CTIF: variants seen among roughly 807,000 people sequenced by gnomAD.
The protein encoded by CTIF is cap binding complex dependent translation initiation factor, also known as CBP80/20-dependent translation initiation factor.
Under a neutral mutation model 66.0 loss-of-function variants are expected in CTIF, and 21 were observed. That is an observed-to-expected ratio of 0.32 (90% CI 0.23 to 0.46). The LOEUF (loss-of-function observed/expected upper bound fraction) is 0.46, where lower values mean the gene tolerates loss of function less well. CTIF is among the 20% of genes least tolerant of loss of function. The probability of loss-of-function intolerance (pLI) is 1.00; values close to 1 mark genes in which losing one functional copy is unlikely to be tolerated. For missense variants in CTIF, 739 were observed against 812.7 expected (o/e 0.91, Z 1.10); for synonymous variants, 345 against 326.4 (o/e 1.06, Z -0.62).
chr18:48,541,015 G>A (rs1278690572), intron 1 of CTIF, among the ~76,000 whole-genome samples: 1 of 152,176 alleles, frequency 6.6e-6, no homozygotes. Context: ...CCGGCAGACT[G>A]GGGGTCCACC....
chr18:48,722,183 A>G (rs1164448445), intron 7 of CTIF, among the ~76,000 whole-genome samples: 2 of 149,658 alleles, frequency 1.3e-5, no homozygotes, highest in African/African-American at 4.9e-5. Flanking sequence ...TACTAGGCTA[A>G]GCCTCATACT....
intron 5 of CTIF, among the ~76,000 whole-genome samples, chr18:48,669,079 A>G (rs1232337560): frequency 6.6e-6 from 1 of 151,990 alleles, no homozygotes; most frequent in African/African-American, 2.4e-5. Flanking sequence ...TAGGACTTTT[A>G]TGACACCGAT....
At position 48,670,501 on chromosome 18, in the gene CTIF, C is replaced by T. The variant is rs560812208; in HGVS notation, c.432-168C>T. Reference sequence around the variant, plus strand: ...TACGGGAGGACCCCCCCCCCACACACACACAGCTTCTCTAGGGCTGTTTCC... The same window carrying T: ...TACGGGAGGACCCCCCCCCCACACATACACAGCTTCTCTAGGGCTGTTTCC... On this transcript the variant is annotated intron_variant, in intron 5 of 11. Transcript: ENST00000256413. The T allele has an allele frequency of 1.2e-4, 69 of 584,642 alleles. 1 individual carries two copies. The South Asian group carries it at 1.3e-3, about 11-fold the overall frequency. The allele number at this position is 584,642 out of a possible 1,614,324, so 36.2% of individuals were successfully genotyped here. A position where few individuals can be genotyped will look rare whatever the true frequency, so the allele number is the denominator to read the frequency against.
At chr18:48,648,315 G>A (rs950517064) in intron 3 of CTIF, among the ~76,000 whole-genome samples, 3 of 152,120 alleles carry the variant, frequency 2.0e-5, no homozygotes, top group Non-Finnish European at 2.9e-5. Flanking sequence ...CAGCATGAAA[G>A]GAATGGCCTT....
At chr18:48,769,621 G>A (rs73956029) in intron 9 of CTIF, among the ~76,000 whole-genome samples, 9,115 of 152,320 alleles carry the variant, frequency 0.06, 373 homozygotes, top group African/African-American at 0.11. Flanking sequence ...CCAGGATTCT[G>A]TGGCAGCCCT....
intron 7 of CTIF, among the ~76,000 whole-genome samples, chr18:48,748,486 G>A (rs1450809549): frequency 6.6e-6 from 1 of 152,126 alleles, no homozygotes; most frequent in Non-Finnish European, 1.5e-5. Flanking sequence ...GGGACAGCAT[G>A]GGATAATGGA....
At chr18:48,714,696 G>T (rs993003929) in intron 7 of CTIF, among the ~76,000 whole-genome samples, 4 of 152,186 alleles carry the variant, frequency 2.6e-5, no homozygotes, top group Admixed American at 6.5e-5. Flanking sequence ...ACTTGTTTAA[G>T]TCTGAGGCTG....
intron 5 of CTIF, among the ~76,000 whole-genome samples, chr18:48,665,851 A>C (rs1375289600): frequency 6.6e-6 from 1 of 152,194 alleles, no homozygotes; most frequent in Non-Finnish European, 1.5e-5. Context: ...TGGATATACC[A>C]CAATTTGTTT....
At chr18:48,700,666 G>A (rs1273241004) in intron 6 of CTIF, among the ~76,000 whole-genome samples, 2 of 152,222 alleles carry the variant, frequency 1.3e-5, no homozygotes, top group African/African-American at 2.4e-5. Flanking sequence ...AGCGTGGGCC[G>A]TGCCTCTCTC....
rs751006313 is a variant in CTIF, at chr18:48,859,695, G to A, written c.*136G>A. 23 of 808,602 alleles carry A rather than the reference G, an allele frequency of 2.8e-5. 1 individual carries two copies. In the South Asian group the frequency reaches 3.2e-4, roughly 11 times the overall value. 50.1% of individuals were successfully genotyped at this position (808,602 alleles called of 1,614,324 possible). A position where few individuals can be genotyped will look rare whatever the true frequency, so the allele number is the denominator to read the frequency against. On this transcript the variant is annotated 3_prime_UTR_variant, in exon 12 of 12. Transcript: ENST00000256413. ...GGAGGGCAGGCAGAGTCGGTGGCCA[G>A]TCTGGAGCCAGACGGGGAAGGGAGC...
Position 48,761,404 on chromosome 18 carries a change from G to A in CTIF, c.1086G>A (p.Val362=). The A allele has an allele frequency of 6.2e-7, 1 of 1,613,252 alleles. No homozygotes were observed. The highest frequency in any genetic ancestry group is 8.5e-7 in the Non-Finnish European group (1 of 1,179,542). ...RRLKEKDEVA[V]ETTTPQQNKM... is the part of the protein sequence containing the mutation. ...GACACCCCCAGGATGAAGTGGCCGT[G>A]GAGACGACCACTCCCCAGCAGAACA... The change falls in exon 9 of 12, where the codon GTG becomes GTA. Residue 362 remains valine (V), a synonymous_variant. Transcript: ENST00000256413. This position sits in a 1 kb window ranked among gnomAD's most constrained non-coding sequence, Gnocchi z 4.2.
chr18:48,582,999 C>A (rs2089693002), intron 1 of CTIF, among the ~76,000 whole-genome samples: 1 of 152,196 alleles, frequency 6.6e-6, no homozygotes, highest in South Asian at 2.1e-4. Context: ...AGGGTCAGCA[C>A]CTCTGGTATG....
intron 7 of CTIF, 42 bp from the exon 8 acceptor site, chr18:48,757,877 G>T (rs775296026): frequency 1.9e-6 from 3 of 1,579,348 alleles, no homozygotes; most frequent in Middle Eastern, 1.7e-4. Flanking sequence ...TGACCAGCCC[G>T]CCCAGTGATC....
chr18:48,716,306 C>G (rs1486420754), intron 7 of CTIF, among the ~76,000 whole-genome samples: 2 of 152,206 alleles, frequency 1.3e-5, no homozygotes, highest in Non-Finnish European at 2.9e-5. Context: ...GACTGTCAGT[C>G]ATCCACGTGT....
At chr18:48,782,050 G>GC (rs1911285357) in intron 9 of CTIF, among the ~76,000 whole-genome samples, 3 of 152,022 alleles carry the variant, frequency 2.0e-5, no homozygotes, top group Non-Finnish European at 4.4e-5. Context: ...TGAGTGGTGG[G>GC]CAGGAGGGTG....
chr18:48,551,860 C>T (rs956206549), intron 1 of CTIF, among the ~76,000 whole-genome samples: 7 of 151,748 alleles, frequency 4.6e-5, no homozygotes, highest in African/African-American at 1.5e-4. Context: ...TGTAGTGGCG[C>T]GATGTCGGCT....
intron 9 of CTIF, among the ~76,000 whole-genome samples, chr18:48,764,024 C>T (rs933689747): frequency 6.6e-6 from 1 of 152,122 alleles, no homozygotes; most frequent in East Asian, 1.9e-4. Context: ...TCCCCACCCC[C>T]CATCAGCCAG....
At chr18:48,643,972 A>G (rs962534875) in intron 3 of CTIF, among the ~76,000 whole-genome samples, 2 of 152,150 alleles carry the variant, frequency 1.3e-5, no homozygotes, top group African/African-American at 4.8e-5. Context: ...GCATCTCAGC[A>G]TATTGTTAGG....
intron 9 of CTIF, among the ~76,000 whole-genome samples, chr18:48,802,187 T>G (rs1042046132): frequency 2.0e-5 from 3 of 152,228 alleles, no homozygotes; most frequent in Non-Finnish European, 4.4e-5. Context: ...TGTCCTTTTA[T>G]TTTGCGGTTG....
Sources: allele counts gnomAD v4.1 joint callset (sites outside exome capture counted in the v4.1 genomes callset), GRCh38; gene constraint gnomAD v4.1.1; non-coding constraint Gnocchi (gnomAD v3.1); transcripts MANE v1.5; gene names NCBI Gene and HGNC (gene_info 2026-07-23, HGNC 2026-07-21).